The following NEBL variants were observed in gnomAD, a reference collection of about 807,000 sequenced individuals.
NEBL encodes LIM and SH3 protein 2.
Under a neutral mutation model 140.2 loss-of-function variants are expected in NEBL, and 122 were observed. The ratio of observed to expected loss-of-function variants is 0.87; its 90% CI spans 0.75 to 1.01. The LOEUF is 1.01. Among genes scored for constraint, NEBL ranks in the 50% least tolerant of loss-of-function variants. The pLI is 0.00. For missense variants in NEBL, 1,365 were observed against 1,231.3 expected, an observed-to-expected ratio of 1.11 and a Z score of -1.62; for synonymous variants, 436 against 398.9, an observed-to-expected ratio of 1.09 and a Z score of -1.11.
intron 2 of NEBL, among the ~76,000 whole-genome samples, chr10:21,124,711 G>T (rs2132052637): frequency 6.6e-6 from 1 of 152,328 alleles, no homozygotes; most frequent in African/African-American, 2.4e-5. Flanking sequence ...GCAGCACTTT[G>T]GGAGGCTGAG....
In NEBL at chr10:21,077,707, A is replaced by T. The variant is rs117041269; in HGVS notation, c.165-57506T>A. ...TCAGCTGATGGTCTGTTGGTTCCTG[A>T]TATCTTTTTCCCTTCTTCATTTTCT... On this transcript the variant is annotated intron_variant, in intron 2 of 6. Coordinates refer to the NEBL transcript ENST00000417816. Among the ~76,000 whole-genome samples, 117 of 152,216 alleles carry T rather than the reference A, an allele frequency of 7.7e-4. 1 individual carries two copies. The East Asian group carries it at 0.017, about 22-fold the overall frequency.
At chr10:20,888,631 G>A (rs1312990256) in intron 3 of NEBL, among the ~76,000 whole-genome samples, 1 of 152,164 alleles carries the variant, frequency 6.6e-6, no homozygotes, top group South Asian at 2.1e-4. Flanking sequence ...TGCTCCAGGG[G>A]GAGAGGGGAG....
At chr10:21,085,510 C>G (rs572006100) in intron 2 of NEBL, among the ~76,000 whole-genome samples, 3 of 152,018 alleles carry the variant, frequency 2.0e-5, no homozygotes, top group Admixed American at 6.6e-5. Context: ...TGGTGCACAC[C>G]GATGGTCCCA....
At chr10:20,926,783 C>G (rs189200628) in intron 4 of NEBL, among the ~76,000 whole-genome samples, 5 of 152,252 alleles carry the variant, frequency 3.3e-5, no homozygotes, top group African/African-American at 1.2e-4. Flanking sequence ...GCTTTGCTAA[C>G]AGTATTCAGG....
chr10:21,118,442 T>C (rs1838380257), intron 2 of NEBL, among the ~76,000 whole-genome samples: 3 of 152,138 alleles, frequency 2.0e-5, no homozygotes, highest in Admixed American at 2.0e-4. Context: ...AAAAGAAACC[T>C]AAATTGAAAT....
chr10:21,049,295 T>C (rs2131848862), intron 2 of NEBL, among the ~76,000 whole-genome samples: 1 of 152,328 alleles, frequency 6.6e-6, no homozygotes, highest in South Asian at 2.1e-4. Flanking sequence ...GTGTTTCTCC[T>C]ATGAGGGTTG....
rs185900416 is a variant in NEBL at position 20,932,629 on chromosome 10, T to G, written c.357+29043A>C. 4.3e-3 allele frequency among the ~76,000 whole-genome samples: 657 copies of G among 152,374 alleles called. 4 individuals carry two copies. The highest frequency in any genetic ancestry group is 0.013 in the African/African-American group (543 of 41,590). On this transcript the variant is annotated intron_variant, in intron 4 of 6. Transcript: ENST00000417816. ...TTAAGAAAAGAATAAGTATTCTTGC[T>G]GAAAACTGCTACACATTCTAAAATA...
chr10:20,871,975 C>T (rs999075228), intron 5 of NEBL, among the ~76,000 whole-genome samples: 7 of 152,130 alleles, frequency 4.6e-5, no homozygotes, highest in Non-Finnish European at 7.3e-5. Flanking sequence ...AAATTATCAC[C>T]CACCTACAAG....
rs1839046097 is a variant in NEBL, at chr10:20,819,349, C to T, written c.2055+75G>A. The T allele has an allele frequency of 6.3e-5, 101 of 1,606,562 alleles. 1 individual carries two copies. In the South Asian group the frequency reaches 9.6e-4, roughly 15 times the overall value. On this transcript the variant is annotated intron_variant, in intron 20 of 27. Coordinates refer to ENST00000377122, the MANE Select transcript of NEBL (RefSeq NM_006393.3). ...TGTGTTAGTTTGCTAAGGATAATGG[C>T]CTTCCAAAGGGCATATTTTTAAATA... is the stretch of plus-strand genomic sequence containing the variant.
chr10:21,201,577 T>C (rs1432900342), intron 3 of NEBL, among the ~76,000 whole-genome samples: 2 of 152,110 alleles, frequency 1.3e-5, no homozygotes, highest in East Asian at 1.9e-4. Flanking sequence ...CCTGAATATG[T>C]ATTTTTTAAA....
chr10:21,099,027 G>C (rs1837344054), intron 2 of NEBL, among the ~76,000 whole-genome samples: 1 of 152,172 alleles, frequency 6.6e-6, no homozygotes, highest in African/African-American at 2.4e-5. Flanking sequence ...TATCTACTCG[G>C]AAGGCTAAGG....
At chr10:21,181,142 A>G (rs1841379879) in intron 3 of NEBL, among the ~76,000 whole-genome samples, 1 of 151,968 alleles carries the variant, frequency 6.6e-6, no homozygotes, top group Non-Finnish European at 1.5e-5. Flanking sequence ...ACACACCTGT[A>G]ATCTCAGCTA....
intron 2 of NEBL, among the ~76,000 whole-genome samples, chr10:21,108,007 T>G (rs1039788404): frequency 6.6e-6 from 1 of 152,216 alleles, no homozygotes; most frequent in Non-Finnish European, 1.5e-5. Context: ...ATGGGATCGG[T>G]GGTGATATCC....
chr10:21,069,876 G>A (rs1835735658), intron 2 of NEBL: 1 of 403,462 alleles, frequency 2.5e-6, no homozygotes, highest in South Asian at 1.8e-5. Context: ...ATTAAAACAA[G>A]TTTTTTAAAA....
chr10:20,881,032 G>A (rs1260461540), intron 4 of NEBL, 128 bp from the exon 5 acceptor site: 6 of 733,920 alleles, frequency 8.2e-6, no homozygotes, highest in Non-Finnish European at 1.5e-5. Flanking sequence ...CTAAATCTCT[G>A]TAACAAGACA....
intron 2 of NEBL, among the ~76,000 whole-genome samples, chr10:21,076,728 G>A (rs780258668): frequency 6.6e-6 from 1 of 152,170 alleles, no homozygotes; most frequent in Admixed American, 6.5e-5. Flanking sequence ...GATGAAACTT[G>A]AGGACATTAT....
chr10:20,871,656 T>C (rs770923894), intron 5 of NEBL, among the ~76,000 whole-genome samples: 1 of 152,124 alleles, frequency 6.6e-6, no homozygotes, highest in Non-Finnish European at 1.5e-5. Context: ...TGAAACACAA[T>C]TAGTATAATT....
intron 1 of NEBL, among the ~76,000 whole-genome samples, chr10:21,284,160 A>T (rs1482248809): frequency 3.6e-5 from 5 of 139,686 alleles, no homozygotes; most frequent in Non-Finnish European, 7.7e-5. Context: ...CAGTGAGCCG[A>T]GATCGCACCA....
chr10:21,112,772 A>C (rs1301021912), intron 2 of NEBL: 2 of 164,542 alleles, frequency 1.2e-5, no homozygotes, highest in Non-Finnish European at 2.6e-5. Context: ...AAAAAAATTG[A>C]AAATGTCTGT....
Sources: allele counts gnomAD v4.1 joint callset (sites outside exome capture counted in the v4.1 genomes callset), GRCh38; gene constraint gnomAD v4.1.1; transcripts MANE v1.5; gene names NCBI Gene and HGNC (gene_info 2026-07-23, HGNC 2026-07-21).